Variants in PLXNA4 observed in about 807,000 individuals in gnomAD.
The protein encoded by PLXNA4 is plexin-A4.
Under a neutral mutation model 191.8 loss-of-function variants are expected in PLXNA4, and 44 were observed. That is an observed-to-expected ratio of 0.23 (90% CI 0.18 to 0.29). The LOEUF (loss-of-function observed/expected upper bound fraction) is 0.29, where lower values mean the gene tolerates loss of function less well. PLXNA4 is among the 10% of genes least tolerant of loss of function. The pLI, the probability that PLXNA4 is intolerant of heterozygous loss-of-function variation, is 1.00. For missense variants in PLXNA4, 1,800 were observed against 2,488.8 expected (o/e 0.72, Z 5.89); for synonymous variants, 1,082 against 1,009.5 (o/e 1.07, Z -1.36).
intron 3 of PLXNA4, among the ~76,000 whole-genome samples, chr7:132,427,968 C>T (rs1400746734): frequency 6.6e-6 from 1 of 152,186 alleles, no homozygotes; most frequent in Non-Finnish European, 1.5e-5. Flanking sequence ...TCCACATCCC[C>T]TCTCCTCTCC....
rs67794762 is a variant in PLXNA4 at position 132,179,032 on chromosome 7, GCA to G, written c.3874+653_3874+654del. Among the ~76,000 whole-genome samples the G allele has an allele frequency of 8.5e-3, 522 of 61,570 alleles. 30 individuals carry two copies. Among genetic ancestry groups the G allele is most frequent in the East Asian group, 0.069 (173 of 2,514 alleles). 40.4% of individuals were successfully genotyped at this position (61,570 alleles called of 152,430 possible). On this transcript the variant is annotated intron_variant, in intron 20 of 31. Coordinates refer to ENST00000321063, the MANE Select transcript of PLXNA4 (RefSeq NM_020911.2). ...CACATACACATATACAGGCGCGCGC[GCA>G]CACACACACACACACACACACACGG...
intron 2 of PLXNA4, among the ~76,000 whole-genome samples, chr7:132,619,346 C>T (rs757989828): frequency 4.6e-5 from 7 of 152,102 alleles, no homozygotes; most frequent in South Asian, 4.2e-4. Context: ...TACAATCTCA[C>T]GACCATGCAT....
At chr7:132,461,465 CA>C (rs1796499979) in intron 3 of PLXNA4, among the ~76,000 whole-genome samples, 1 of 152,088 alleles carries the variant, frequency 6.6e-6, no homozygotes, top group African/African-American at 2.4e-5. Flanking sequence ...AGGAGCCCTC[CA>C]AAGAGAAAAC....
In PLXNA4 at chr7:132,634,565, T is replaced by C. The variant is rs144014061; in HGVS notation, c.-87+11363A>G. ...CCTTAAATTCAATACTCCAGAAACATAGAACTTCCTCTAGATCACTGAACA... is the reference window on the plus strand; with the variant it reads ...CCTTAAATTCAATACTCCAGAAACACAGAACTTCCTCTAGATCACTGAACA... On this transcript the variant is annotated intron_variant, in intron 2 of 4. Coordinates refer to the PLXNA4 transcript ENST00000378539. Among the ~76,000 whole-genome samples, 10 of 152,278 alleles carry C rather than the reference T, an allele frequency of 6.6e-5. No homozygotes were observed. In the East Asian group the frequency reaches 1.9e-3, roughly 29 times the overall value.
intron 21 of PLXNA4, among the ~76,000 whole-genome samples, chr7:132,174,377 TC>T (rs1363040156): frequency 2.0e-5 from 3 of 152,208 alleles, no homozygotes; most frequent in Admixed American, 2.0e-4. Context: ...AAGTGGTAAA[TC>T]CCATATATAT....
Position 132,576,009 on chromosome 7 carries a change from A to C in PLXNA4, c.-87+413T>G, listed in dbSNP as rs1489197563. Among the ~76,000 whole-genome samples, 3 of 152,126 alleles carry C rather than the reference A, an allele frequency of 2.0e-5. No homozygotes were observed. The East Asian group carries it at 5.8e-4, about 30-fold the overall frequency. On this transcript the variant is annotated intron_variant, in intron 1 of 31. Coordinates refer to ENST00000321063, the MANE Select transcript of PLXNA4 (RefSeq NM_020911.2). The surrounding 1 kb of genome is among the most constrained non-coding windows in gnomAD (Gnocchi z 5.8). ...CGATGACACTGGGTAGGTCTCCGGAAACCTCTCAGGACTTCTCCCATTTTA... is the reference window on the plus strand; with the variant it reads ...CGATGACACTGGGTAGGTCTCCGGACACCTCTCAGGACTTCTCCCATTTTA...
At chr7:132,138,266 A>ACTGT (rs1795170676) in intron 30 of PLXNA4, among the ~76,000 whole-genome samples, 1 of 152,124 alleles carries the variant, frequency 6.6e-6, no homozygotes, top group African/African-American at 2.4e-5. Flanking sequence ...TCCTGGGAGG[A>ACTGT]CTGTCTCCAT....
chr7:132,280,548 T>A (rs897254332), intron 4 of PLXNA4, among the ~76,000 whole-genome samples: 1 of 152,194 alleles, frequency 6.6e-6, no homozygotes, highest in African/African-American at 2.4e-5. Flanking sequence ...GGATTTCTTA[T>A]CTGTCAGCAC....
chr7:132,357,884 T>C (rs1037165620), intron 3 of PLXNA4, among the ~76,000 whole-genome samples: 4 of 152,252 alleles, frequency 2.6e-5, no homozygotes, highest in African/African-American at 7.2e-5. Context: ...ATACCAGCTC[T>C]GGGCCGAGCC....
chr7:132,297,714 T>C (rs1463472513), intron 4 of PLXNA4, among the ~76,000 whole-genome samples: 1 of 152,188 alleles, frequency 6.6e-6, no homozygotes, highest in Non-Finnish European at 1.5e-5. Flanking sequence ...TCCCACAGGC[T>C]TCTGGGGGCC....
chr7:132,629,574 G>T (rs551663755), intron 2 of PLXNA4, among the ~76,000 whole-genome samples: 47 of 152,320 alleles, frequency 3.1e-4, no homozygotes, highest in African/African-American at 1.1e-3. Context: ...TGGGAACCAT[G>T]AATCCAACTG....
chr7:132,359,982 G>C (rs547487562), intron 3 of PLXNA4, among the ~76,000 whole-genome samples: 1 of 152,264 alleles, frequency 6.6e-6, no homozygotes, highest in South Asian at 2.1e-4. Context: ...CCTCAGTGTG[G>C]TTTCAATTGC....
intron 2 of PLXNA4, among the ~76,000 whole-genome samples, chr7:132,641,112 C>T (rs1410755863): frequency 6.6e-6 from 1 of 152,232 alleles, no homozygotes; most frequent in Non-Finnish European, 1.5e-5. Context: ...GATGTTGATG[C>T]TTCCATGCTT....
intron 9 of PLXNA4, among the ~76,000 whole-genome samples, chr7:132,217,897 CTT>C (rs138576612): frequency 0.014 from 595 of 43,256 alleles, 4 homozygotes; most frequent in African/African-American, 0.017. Context: ...GCTGGATTTG[CTT>C]TTTTTTTTTT....
chr7:132,412,788 G>T (rs1794511980), intron 3 of PLXNA4, among the ~76,000 whole-genome samples: 1 of 152,204 alleles, frequency 6.6e-6, no homozygotes, highest in Non-Finnish European at 1.5e-5. Flanking sequence ...ATTCCAGAGA[G>T]CTCACTGCTT....
intron 3 of PLXNA4, among the ~76,000 whole-genome samples, chr7:132,361,830 T>A (rs1162782419): frequency 6.6e-6 from 1 of 152,194 alleles, no homozygotes; most frequent in Non-Finnish European, 1.5e-5. Flanking sequence ...TGGCTGTGTG[T>A]GTGTGTGTGC....
chr7:132,130,590 G>C lies in PLXNA4; in HGVS notation c.5590-16C>G. 2 of 1,614,038 alleles carry C rather than the reference G, an allele frequency of 1.2e-6. No individual in the cohort carries two copies. The highest frequency in any genetic ancestry group is 1.7e-6 in the Non-Finnish European group (2 of 1,179,922). On this transcript the variant is annotated splice_polypyrimidine_tract_variant and intron_variant, in intron 31 of 31. Transcript: ENST00000321063. ...GTCCAAGGATCTGCGGAAGGGCCAA[G>C]AACAGGGAGATTACTCATTTGTGTG...
chr7:132,318,427 G>C (rs1802029885), intron 3 of PLXNA4, among the ~76,000 whole-genome samples: 1 of 152,282 alleles, frequency 6.6e-6, no homozygotes, highest in East Asian at 1.9e-4. Flanking sequence ...GCGCTAAGCT[G>C]GGGGAGGGTC....
chr7:132,284,314 TA>T (rs1308556511), intron 4 of PLXNA4, among the ~76,000 whole-genome samples: 2 of 152,248 alleles, frequency 1.3e-5, no homozygotes, highest in African/African-American at 4.8e-5. Context: ...AATACTGGAC[TA>T]ACTAACTGAT....
Sources: allele counts gnomAD v4.1 joint callset (sites outside exome capture counted in the v4.1 genomes callset), GRCh38; gene constraint gnomAD v4.1.1; non-coding constraint Gnocchi (gnomAD v3.1); transcripts MANE v1.5; gene names NCBI Gene and HGNC (gene_info 2026-07-23, HGNC 2026-07-21).